The following CCDC171 variants were observed in gnomAD, a reference collection of about 807,000 sequenced individuals.
The protein encoded by CCDC171 is coiled-coil domain-containing protein 171.
Under a neutral mutation model 168.2 loss-of-function variants are expected in CCDC171, and 177 were observed. That is an observed-to-expected ratio of 1.05 (90% CI 0.93 to 1.19). The LOEUF is 1.19. Among genes scored for constraint, CCDC171 ranks in the 50% most tolerant of loss-of-function variants. The probability of loss-of-function intolerance (pLI) is 0.00; values close to 1 mark genes in which losing one functional copy is unlikely to be tolerated. For missense variants in CCDC171, 1,991 were observed against 1,539.0 expected (o/e 1.29, Z -4.91); for synonymous variants, 687 against 540.8 (o/e 1.27, Z -3.75).
chr9:15,849,326 T>G (rs993618590), intron 23 of CCDC171, among the ~76,000 whole-genome samples: 1 of 151,054 alleles, frequency 6.6e-6, no homozygotes, highest in Admixed American at 6.6e-5. Context: ...TATATATGTA[T>G]ATAGAGAAAT....
intron 1 of CCDC171, among the ~76,000 whole-genome samples, chr9:16,051,741 C>A (rs1195760386): frequency 6.6e-6 from 1 of 152,240 alleles, no homozygotes; most frequent in African/African-American, 2.4e-5. Context: ...AGTGACTTCA[C>A]ATCTCCTTAG....
intron 6 of CCDC171, among the ~76,000 whole-genome samples, chr9:15,606,178 C>A (rs1264720812): frequency 1.3e-5 from 2 of 152,068 alleles, no homozygotes; most frequent in Non-Finnish European, 2.9e-5. Flanking sequence ...ATTTTTGGAC[C>A]TAGGTTGACT....
chr9:15,706,581 C>T (rs2052254608), intron 11 of CCDC171, among the ~76,000 whole-genome samples: 1 of 152,156 alleles, frequency 6.6e-6, no homozygotes, highest in Non-Finnish European at 1.5e-5. Flanking sequence ...AGCTACTGTG[C>T]CCAGCCCCAT....
chr9:15,935,038 A>G (rs563419251), intron 25 of CCDC171, among the ~76,000 whole-genome samples: 6 of 152,216 alleles, frequency 3.9e-5, no homozygotes, highest in East Asian at 1.9e-4. Flanking sequence ...CTTAACGCAT[A>G]TGGAATTTCA....
At chr9:15,712,906 A>G (rs2052781039) in intron 11 of CCDC171, among the ~76,000 whole-genome samples, 2 of 152,204 alleles carry the variant, frequency 1.3e-5, no homozygotes, top group African/African-American at 2.4e-5. Context: ...TGGCTAGGAA[A>G]AAACATTGGT....
chr9:15,744,396 A>G lies in CCDC171; in HGVS notation c.2173A>G (p.Met725Val), dbSNP rs759545313. 9.9e-6 allele frequency: 16 copies of G among 1,614,090 alleles called. No homozygotes were observed. The highest frequency in any genetic ancestry group is 2.7e-5 in the African/African-American group (2 of 74,946). The change falls in exon 17 of 26, where the codon ATG (methionine) becomes GTG (valine). Residue 725 changes from methionine to valine, a missense_variant. By Grantham distance (21) the Met-to-Val change is conservative. Transcript: ENST00000380701. Reference protein sequence around the residue: ...KLLSQTQREQMSLLAACALMA... With the variant: ...KLLSQTQREQVSLLAACALMA... ...GTTATCACAGACTCAAAGGGAACAG[A>G]TGTCCTTGCTGGCAGCCTGTGCATT... is the stretch of plus-strand genomic sequence containing the variant.
chr9:15,833,228 G>A (rs1442302554), intron 21 of CCDC171, among the ~76,000 whole-genome samples: 3 of 151,982 alleles, frequency 2.0e-5, no homozygotes, highest in Non-Finnish European at 4.4e-5. Flanking sequence ...CTGACCTCTG[G>A]TGATCTGCCC....
chr9:15,808,412 G>T (rs2059171986), intron 21 of CCDC171, among the ~76,000 whole-genome samples: 1 of 152,212 alleles, frequency 6.6e-6, no homozygotes, highest in African/African-American at 2.4e-5. Context: ...TAGACAAGAA[G>T]ACAGAGGGGC....
chr9:15,612,717 A>C (rs552481288), intron 6 of CCDC171, among the ~76,000 whole-genome samples: 2 of 151,596 alleles, frequency 1.3e-5, no homozygotes, highest in Non-Finnish European at 2.9e-5. Flanking sequence ...TCTTTTTCTT[A>C]CTTTTGAATA....
chr9:15,795,828 A>G (rs952006915), intron 21 of CCDC171, among the ~76,000 whole-genome samples: 4 of 152,214 alleles, frequency 2.6e-5, no homozygotes, highest in Non-Finnish European at 5.9e-5. Context: ...CCTGTGCCAC[A>G]CACAGGGTCT....
chr9:15,648,047 C>T (rs1022862188), intron 7 of CCDC171, among the ~76,000 whole-genome samples: 1 of 152,140 alleles, frequency 6.6e-6, no homozygotes, highest in Non-Finnish European at 1.5e-5. Flanking sequence ...AGCTTATCCA[C>T]CATGATCAAG....
At chr9:15,796,495 G>A (rs2058563193) in intron 21 of CCDC171, among the ~76,000 whole-genome samples, 1 of 152,178 alleles carries the variant, frequency 6.6e-6, no homozygotes, top group South Asian at 2.1e-4. Flanking sequence ...TAGATCCTAA[G>A]AGTAATGACT....
chr9:16,068,925 T>C, the CCDC171 span, among the ~76,000 whole-genome samples: 1 of 152,170 alleles, frequency 6.6e-6, no homozygotes, highest in Non-Finnish European at 1.5e-5. Context: ...ATGGTGAGCA[T>C]TGTGTCTTCA....
intron 25 of CCDC171, among the ~76,000 whole-genome samples, chr9:15,931,684 A>C (rs1826536111): frequency 6.6e-6 from 1 of 151,512 alleles, no homozygotes. Context: ...CTTACTCAAA[A>C]AATTCTTCCC....
At chr9:15,986,531 C>A (rs1927700) in intron 3 of CCDC171, among the ~76,000 whole-genome samples, 75,267 of 152,044 alleles carry the variant, frequency 0.5, 20,016 homozygotes, top group African/African-American at 0.7. Flanking sequence ...AAAAACTAAC[C>A]TGCTCTCGTA....
rs1197084673 is a variant in CCDC171 at position 15,557,194 on chromosome 9, T to C, written c.-112+3892T>C. Among the ~76,000 whole-genome samples the C allele has an allele frequency of 1.1e-4, 17 of 152,306 alleles. 1 individual carries two copies. Among genetic ancestry groups the C allele is most frequent in the Non-Finnish European group, 1.9e-4 (13 of 67,996 alleles). ...TAGTGTGATGCCTCCAGCTTTGTTCTTTTTGCTTAGGATTGTCTTGGCAAT... is the reference window on the plus strand; with the variant it reads ...TAGTGTGATGCCTCCAGCTTTGTTCCTTTTGCTTAGGATTGTCTTGGCAAT... On this transcript the variant is annotated intron_variant, in intron 1 of 25. Coordinates refer to ENST00000380701, the MANE Select transcript of CCDC171 (RefSeq NM_173550.4).
intron 6 of CCDC171, among the ~76,000 whole-genome samples, chr9:15,610,469 A>AAAAAAAAAAAAAAAC (rs1432453522): frequency 2.9e-5 from 4 of 136,272 alleles, no homozygotes; most frequent in Non-Finnish European, 6.4e-5. Flanking sequence ...AAAAAAAAAA[A>AAAAAAAAAAAAAAAC]AAAAAAAAAA....
At chr9:15,880,538 C>A (rs1818490222) in intron 24 of CCDC171, among the ~76,000 whole-genome samples, 1 of 150,644 alleles carries the variant, frequency 6.6e-6, no homozygotes, top group African/African-American at 2.4e-5. Context: ...CTCATTCCAA[C>A]CTCCCGCAAC....
chr9:16,021,960 T>G (rs112655396), intron 4 of CCDC171, among the ~76,000 whole-genome samples: 2,640 of 152,330 alleles, frequency 0.017, 74 homozygotes, highest in African/African-American at 0.059. Flanking sequence ...AGGGGTTGTT[T>G]GTTACTGCAG....
Sources: gnomAD v4.1 joint callset for allele counts (sites outside exome capture counted in the v4.1 genomes callset) on GRCh38, gnomAD v4.1.1 for gene constraint, MANE v1.5 for transcripts, NCBI Gene and HGNC (gene_info 2026-07-23, HGNC 2026-07-21) for gene names.